Variants in EYA1 observed in about 807,000 individuals in gnomAD.
EYA1 encodes protein phosphatase EYA1.
Under a neutral mutation model 82.0 loss-of-function variants are expected in EYA1, and 16 were observed. That is an observed-to-expected ratio of 0.20 (90% confidence interval 0.13 to 0.30). EYA1 has a LOEUF of 0.30. EYA1 is among the 10% of genes least tolerant of loss of function. EYA1 has a pLI of 1.00. For synonymous variants in EYA1, 261 were observed against 264.4 expected (o/e 0.99, Z 0.12); for missense variants, 633 against 730.7 (o/e 0.87, Z 1.54).
chr8:71,494,910 G>C (rs1442366245), intron 2 of EYA1, among the ~76,000 whole-genome samples: 1 of 151,908 alleles, frequency 6.6e-6, no homozygotes, highest in African/African-American at 2.4e-5. Flanking sequence ...TAAAACTTGT[G>C]TAAGCTTCAT....
intron 2 of EYA1, among the ~76,000 whole-genome samples, chr8:71,460,726 C>T (rs1397460544): frequency 1.3e-5 from 2 of 152,190 alleles, no homozygotes; most frequent in Non-Finnish European, 2.9e-5. Flanking sequence ...TCTTCCCTAA[C>T]GAAAAGTTTC....
intron 2 of EYA1, among the ~76,000 whole-genome samples, chr8:71,373,106 T>C (rs555087500): frequency 6.6e-6 from 1 of 152,220 alleles, no homozygotes; most frequent in South Asian, 2.1e-4. Flanking sequence ...ATACCACCTC[T>C]GTTCAAAATA....
At chr8:71,528,593 A>G (rs1301128065) in intron 2 of EYA1, among the ~76,000 whole-genome samples, 1 of 152,136 alleles carries the variant, frequency 6.6e-6, no homozygotes, top group Non-Finnish European at 1.5e-5. Flanking sequence ...CTGATGTTCC[A>G]AGTCACAACC....
chr8:71,293,875 A>T (rs549944312), intron 9 of EYA1, among the ~76,000 whole-genome samples: 1 of 132,550 alleles, frequency 7.5e-6, no homozygotes, highest in East Asian at 2.3e-4. Context: ...TAAGATAAGG[A>T]ACAAAGCAAA....
chr8:71,229,100 C>T (rs1211758365), intron 12 of EYA1, among the ~76,000 whole-genome samples: 2 of 152,062 alleles, frequency 1.3e-5, no homozygotes, highest in East Asian at 3.9e-4. Flanking sequence ...CATTCAAGGG[C>T]CTCTATAATG....
At chr8:71,298,772 T>A (rs1422416436) in intron 9 of EYA1, among the ~76,000 whole-genome samples, 1 of 152,208 alleles carries the variant, frequency 6.6e-6, no homozygotes, top group Non-Finnish European at 1.5e-5. Flanking sequence ...TAATTATGCA[T>A]CTCAAAAACT....
intron 11 of EYA1, among the ~76,000 whole-genome samples, chr8:71,260,344 T>C (rs1814946710): frequency 6.6e-6 from 1 of 152,228 alleles, no homozygotes; most frequent in Non-Finnish European, 1.5e-5. Flanking sequence ...ATGGTGTTCT[T>C]ACTAAAAATA....
At chr8:71,275,509 T>C (rs1451862987) in intron 9 of EYA1, among the ~76,000 whole-genome samples, 3 of 152,126 alleles carry the variant, frequency 2.0e-5, no homozygotes, top group East Asian at 1.9e-4. Context: ...ACTGACACCA[T>C]ATGTAATTAA....
chr8:71,428,946 T>C (rs963691323), intron 2 of EYA1, among the ~76,000 whole-genome samples: 1 of 152,178 alleles, frequency 6.6e-6, no homozygotes, highest in Non-Finnish European at 1.5e-5. Flanking sequence ...TAGGCTTCAT[T>C]GAACCTGAAT....
intron 2 of EYA1, among the ~76,000 whole-genome samples, chr8:71,378,935 T>C (rs1828534104): frequency 6.6e-6 from 1 of 152,184 alleles, no homozygotes; most frequent in Admixed American, 6.5e-5. Context: ...AGAAGTAAAA[T>C]AAATTCTGTA....
At chr8:71,319,922 T>C (rs1822347792) in intron 6 of EYA1, among the ~76,000 whole-genome samples, 2 of 152,120 alleles carry the variant, frequency 1.3e-5, no homozygotes, top group Non-Finnish European at 2.9e-5. Context: ...TGGGGGTTAT[T>C]AGGAAAATGC....
At chr8:71,428,558 T>G (rs1805402379) in intron 2 of EYA1, among the ~76,000 whole-genome samples, 1 of 152,178 alleles carries the variant, frequency 6.6e-6, no homozygotes, top group East Asian at 1.9e-4. Context: ...CAGAGCACCA[T>G]GAAATATACA....
At chr8:71,282,431 A>G (rs771687153) in intron 9 of EYA1, among the ~76,000 whole-genome samples, 18 of 152,120 alleles carry the variant, frequency 1.2e-4, no homozygotes, top group Non-Finnish European at 2.4e-4. Flanking sequence ...CACTTCCATC[A>G]TGCTATTTTC....
chr8:71,510,982 C>A (rs1812554706), intron 2 of EYA1, among the ~76,000 whole-genome samples: 1 of 152,124 alleles, frequency 6.6e-6, no homozygotes, highest in Non-Finnish European at 1.5e-5. Flanking sequence ...TCTCTGAGGT[C>A]TTTGCAATAT....
intron 11 of EYA1, among the ~76,000 whole-genome samples, chr8:71,256,489 G>T (rs1194450132): frequency 6.6e-6 from 1 of 152,060 alleles, no homozygotes. Flanking sequence ...CTTATATGAG[G>T]GTACCTGCAA....
upstream of EYA1, among the ~76,000 whole-genome samples, chr8:71,365,915 C>T (rs561357508): frequency 1.2e-3 from 182 of 152,284 alleles, no homozygotes; most frequent in African/African-American, 4.3e-3. Flanking sequence ...GTTTTCCATT[C>T]AAACTCCAAC....
chr8:71,212,814 T>C (rs1808683771), intron 16 of EYA1, among the ~76,000 whole-genome samples: 1 of 152,188 alleles, frequency 6.6e-6, no homozygotes. Context: ...GGCATAGTGG[T>C]TCACACCTGT....
At chr8:71,299,806 T>C (rs1225998089) in intron 7 of EYA1, 86 bp from the exon 8 acceptor site, 3 of 789,012 alleles carry the variant, frequency 3.8e-6, no homozygotes, top group Non-Finnish European at 6.8e-6. Context: ...AAAGGCAGAA[T>C]TGGTATTTGG....
intron 12 of EYA1, among the ~76,000 whole-genome samples, chr8:71,225,724 C>A (rs1810480181): frequency 6.6e-6 from 1 of 152,156 alleles, no homozygotes; most frequent in Admixed American, 6.6e-5. Context: ...AAAACAATTT[C>A]AAATTTCAGA....
Sources: allele counts gnomAD v4.1 joint callset (sites outside exome capture counted in the v4.1 genomes callset), GRCh38; gene constraint gnomAD v4.1.1; transcripts MANE v1.5; gene names NCBI Gene and HGNC (gene_info 2026-07-23, HGNC 2026-07-21).